The following PTPN4 variants were observed in gnomAD, a reference collection of about 807,000 sequenced individuals.
PTPN4 encodes the protein tyrosine-protein phosphatase non-receptor type 4.
A neutral mutation model predicts 135.5 loss-of-function variants in PTPN4; 49 were observed. That is an observed-to-expected ratio of 0.36 (90% CI 0.29 to 0.46). The LOEUF is 0.46. Among genes scored for constraint, PTPN4 ranks in the 20% least tolerant of loss-of-function variants. The probability of loss-of-function intolerance (pLI) is 1.00; values close to 1 mark genes in which losing one functional copy is unlikely to be tolerated. For missense variants in PTPN4, 860 were observed against 1,101.0 expected (o/e 0.78, Z 3.10); for synonymous variants, 333 against 369.9 (o/e 0.90, Z 1.14).
chr2:119,797,904 T>C (rs1691292022), intron 1 of PTPN4, among the ~76,000 whole-genome samples: 1 of 152,172 alleles, frequency 6.6e-6, no homozygotes, highest in Non-Finnish European at 1.5e-5. Flanking sequence ...TTTGTTCATA[T>C]CTTTTATAGT....
intron 10 of PTPN4, among the ~76,000 whole-genome samples, chr2:119,910,913 A>G (rs1036447489): frequency 6.6e-6 from 1 of 152,190 alleles, no homozygotes; most frequent in East Asian, 1.9e-4. Context: ...TACAAGTACC[A>G]TTAATAAATT....
At chr2:119,946,264 A>T in intron 16 of PTPN4, 77 bp from the exon 17 acceptor site, 1 of 1,133,970 alleles carries the variant, frequency 8.8e-7, no homozygotes, top group Admixed American at 2.4e-5. Flanking sequence ...AGCATACAAA[A>T]AATATGCTTC....
rs188138427 is a variant in PTPN4, at chr2:119,895,273, A to C, written c.676-5445A>C. Among the ~76,000 whole-genome samples, 4 of 152,344 alleles carry C rather than the reference A, an allele frequency of 2.6e-5. No individual in the cohort carries two copies. The East Asian group carries it at 7.7e-4, about 29-fold the overall frequency. ...TTAATGTTGTTCTTATGTACATCAT[A>C]ACATTGAGTGGGTTTGCGTTATCGT... On this transcript the variant is annotated intron_variant, in intron 9 of 26. Coordinates refer to ENST00000263708, the MANE Select transcript of PTPN4 (RefSeq NM_002830.4).
rs1357555483 is a variant in PTPN4, at chr2:119,979,558, C to G, written c.*2488C>G. On this transcript the variant is annotated 3_prime_UTR_variant, in exon 27 of 27. Coordinates refer to ENST00000263708, the MANE Select transcript of PTPN4 (RefSeq NM_002830.4). ...AAATTTAAATTATCCTTTACAACTT[C>G]TTAAAATGAATATGCTAATAGATAA... 6.6e-6 allele frequency: 1 copy of G among 152,102 alleles called. No homozygotes were observed. The highest frequency in any genetic ancestry group is 2.4e-5 in the African/African-American group (1 of 41,428). 9.4% of individuals were successfully genotyped at this position (152,102 alleles called of 1,614,324 possible). A position where few individuals can be genotyped will look rare whatever the true frequency, so the allele number is the denominator to read the frequency against.
intron 1 of PTPN4, among the ~76,000 whole-genome samples, chr2:119,799,186 A>G (rs1691318456): frequency 1.3e-5 from 2 of 152,180 alleles, no homozygotes. Context: ...GTCTGTAGAG[A>G]TTGTAGTAGC....
intron 2 of PTPN4, among the ~76,000 whole-genome samples, chr2:119,851,019 T>C (rs1677583121): frequency 6.6e-6 from 1 of 152,264 alleles, no homozygotes; most frequent in Non-Finnish European, 1.5e-5. Flanking sequence ...TGTCTTTTTC[T>C]GTTTAAGTAT....
chr2:119,984,213 T>G lies in PTPN4; in HGVS notation c.*7143T>G, dbSNP rs1343694183. ...TAGGCTTAATTTTAGAACCGATAAT[T>G]TACTATATCTGCATTATTGATATTT... is the stretch of plus-strand genomic sequence containing the variant. On this transcript the variant is annotated 3_prime_UTR_variant, in exon 27 of 27. Coordinates refer to ENST00000263708, the MANE Select transcript of PTPN4 (RefSeq NM_002830.4). Among the ~76,000 whole-genome samples the G allele has an allele frequency of 6.6e-6, 1 of 152,180 alleles. No homozygotes were observed. The highest frequency in any genetic ancestry group is 2.4e-5 in the African/African-American group (1 of 41,452).
intron 26 of PTPN4, among the ~76,000 whole-genome samples, chr2:119,970,953 G>A (rs755185687): frequency 1.3e-5 from 2 of 152,156 alleles, no homozygotes; most frequent in Non-Finnish European, 2.9e-5. Flanking sequence ...TCATCAACAC[G>A]TGTTACTGTC....
At chr2:119,787,104 T>A (rs1281568766) in intron 1 of PTPN4, among the ~76,000 whole-genome samples, 1 of 151,980 alleles carries the variant, frequency 6.6e-6, no homozygotes, top group Non-Finnish European at 1.5e-5. Context: ...CACGTGTGCA[T>A]GTGTGTGCAT....
chr2:119,893,471 T>C (rs909578770), intron 9 of PTPN4, among the ~76,000 whole-genome samples: 1 of 152,172 alleles, frequency 6.6e-6, no homozygotes, highest in Non-Finnish European at 1.5e-5. Flanking sequence ...GGGTAGGCAA[T>C]TCAATTTATA....
intron 10 of PTPN4, among the ~76,000 whole-genome samples, chr2:119,911,463 AAAAT>A (rs1245118506): frequency 6.6e-6 from 1 of 152,140 alleles, no homozygotes; most frequent in African/African-American, 2.4e-5. Context: ...ATGATTTAAA[AAAAT>A]AAAGACATAG....
intron 1 of PTPN4, among the ~76,000 whole-genome samples, chr2:119,806,507 A>AAT (rs1316136041): frequency 6.6e-6 from 1 of 152,232 alleles, no homozygotes; most frequent in Non-Finnish European, 1.5e-5. Context: ...TAAAGGGATC[A>AAT]ATTCAACAAG....
chr2:119,804,438 C>G (rs186834809), intron 1 of PTPN4, among the ~76,000 whole-genome samples: 18 of 151,962 alleles, frequency 1.2e-4, no homozygotes, highest in Admixed American at 1.1e-3. Context: ...CTGCCCTCCA[C>G]CCAACGACAG....
chr2:119,797,056 G>GT (rs946890536), intron 1 of PTPN4, among the ~76,000 whole-genome samples: 7 of 151,754 alleles, frequency 4.6e-5, no homozygotes, highest in Non-Finnish European at 1.0e-4. Context: ...TTTTTTAATT[G>GT]TTTTTTTCTT....
intron 2 of PTPN4, among the ~76,000 whole-genome samples, chr2:119,831,698 G>T (rs1677222230): frequency 6.6e-6 from 1 of 151,972 alleles, no homozygotes; most frequent in Non-Finnish European, 1.5e-5. Context: ...TGTTTGCATG[G>T]TGAATCATTT....
At chr2:119,971,916 T>C (rs1679539793) in intron 26 of PTPN4, among the ~76,000 whole-genome samples, 1 of 152,254 alleles carries the variant, frequency 6.6e-6, no homozygotes, top group Admixed American at 6.5e-5. Flanking sequence ...TCCCATTGAA[T>C]TGTCTCAGGG....
At chr2:119,946,288 GA>G in intron 16 of PTPN4, 52 bp from the exon 17 acceptor site, 1 of 1,345,742 alleles carries the variant, frequency 7.4e-7, no homozygotes, top group Non-Finnish European at 1.0e-6. Context: ...TATATCTGAA[GA>G]ATAGATTTTA....
chr2:119,917,441 G>C (rs1366157460), intron 11 of PTPN4, among the ~76,000 whole-genome samples: 1 of 152,150 alleles, frequency 6.6e-6, no homozygotes, highest in Non-Finnish European at 1.5e-5. Flanking sequence ...AGAAAGTAAA[G>C]ATGGTATACA....
intron 26 of PTPN4, among the ~76,000 whole-genome samples, chr2:119,969,776 T>G (rs1679502220): frequency 6.6e-6 from 1 of 152,038 alleles, no homozygotes. Context: ...GCCAGGATGG[T>G]CTAGATCTCC....
Sources: gnomAD v4.1 joint callset for allele counts (sites outside exome capture counted in the v4.1 genomes callset) on GRCh38, gnomAD v4.1.1 for gene constraint, MANE v1.5 for transcripts, NCBI Gene and HGNC (gene_info 2026-07-23, HGNC 2026-07-21) for gene names.